Variants in BCOR observed in about 807,000 individuals in gnomAD.
BCOR encodes the protein BCL-6 corepressor.
BCOR carries 10 observed loss-of-function variants against 86.7 expected under a neutral mutation model. The observed-to-expected ratio is 0.12, with a 90% confidence interval of 0.07 to 0.20. The LOEUF (loss-of-function observed/expected upper bound fraction) is 0.20. Among genes scored for constraint, BCOR ranks in the 10% least tolerant of loss-of-function variants. BCOR has a pLI of 1.00. For synonymous variants in BCOR, 611 were observed against 609.0 expected (o/e 1.00, Z -0.05); for missense variants, 1,259 against 1,452.1 (o/e 0.87, Z 2.16).
chrX:40,121,903 T>A (rs1216379705), intron 1 of BCOR, among the ~76,000 whole-genome samples: 4 of 112,482 alleles, frequency 3.6e-5, no homozygotes, highest in African/African-American at 1.3e-4. Flanking sequence ...GAAACGGTGC[T>A]GCACACGATT....
At chrX:40,166,623 T>G (rs984527262) in intron 1 of BCOR, among the ~76,000 whole-genome samples, 3 of 112,165 alleles carry the variant, frequency 2.7e-5, no homozygotes, top group African/African-American at 9.7e-5. Flanking sequence ...CCAGGCTGGC[T>G]CAGGTGGAAA....
At chrX:40,092,272 G>A (rs992567157) in intron 1 of BCOR, among the ~76,000 whole-genome samples, 3 of 111,890 alleles carry the variant, frequency 2.7e-5, no homozygotes, top group African/African-American at 9.7e-5. Flanking sequence ...GCCCGGCGCG[G>A]GCCCCACCCA....
rs144606152 is a variant in BCOR at position 40,073,555 on chromosome X, G to A, written c.1791C>T (p.His597=). The part of the protein sequence containing the change: ...SVETTPSVIQ[H]VGQPPATPAK... ...CAGGAGTGGCCGGGGGCTGGCCCACGTGCTGAATAACGGATGGTGTGGTTT... is the reference window on the plus strand; with the variant it reads ...CAGGAGTGGCCGGGGGCTGGCCCACATGCTGAATAACGGATGGTGTGGTTT... Residue 597 remains histidine, a synonymous_variant, in exon 4 of 15, where the codon CAC becomes CAT. Coordinates refer to ENST00000378444, the MANE Select transcript of BCOR (RefSeq NM_001123385.2). 0.044 allele frequency: 52,764 copies of A among 1,211,156 alleles called. 977 individuals carry two copies. Among genetic ancestry groups the A allele is most frequent in the Middle Eastern group, 0.061 (265 of 4,354 alleles).
rs1057084135 is a variant in BCOR at position 40,073,068 on chromosome X, G to A, written c.2278C>T (p.Leu760Phe). 5 of 1,210,554 alleles carry A rather than the reference G, an allele frequency of 4.1e-6. No individual in the cohort carries two copies. Among genetic ancestry groups the A allele is most frequent in the African/African-American group, 1.7e-5 (1 of 57,299 alleles). ...HERARYEDPT[L>F]RNRFSEILET... is the part of the protein sequence containing the mutation. ...AAAATCTCGGAAAACCGATTCCGGA[G>A]GGTTGGGTCCTCGTAACGGGCTCTC... Residue 760 changes from leucine (L) to phenylalanine (F), a missense_variant, in exon 4 of 15, where the codon CTC (leucine) becomes TTC (phenylalanine). Leu to Phe is a conservative substitution (Grantham distance 22, BLOSUM62 0). Transcript: ENST00000378444.
At chrX:40,102,054 G>A (rs369314180), upstream of BCOR, among the ~76,000 whole-genome samples, 2 of 112,057 alleles carry the variant, frequency 1.8e-5, no homozygotes, top group South Asian at 3.7e-4. Context: ...AAACTCAAAC[G>A]AGGTAACAAA....
At chrX:40,088,331 G>C (rs1936451226) in intron 1 of BCOR, among the ~76,000 whole-genome samples, 1 of 112,735 alleles carries the variant, frequency 8.9e-6, no homozygotes, top group South Asian at 3.6e-4. Context: ...GGGGGAAACT[G>C]CTGGCCTGGT....
upstream of BCOR, among the ~76,000 whole-genome samples, chrX:40,098,915 G>A (rs745895477): frequency 3.6e-3 from 402 of 112,592 alleles, no homozygotes; most frequent in Middle Eastern, 9.2e-3. Flanking sequence ...GGGGCGGTCG[G>A]CGAGCGGAGA....
chrX:40,104,258 ATATAAC>A (rs961403591), intron 1 of BCOR, among the ~76,000 whole-genome samples: 9 of 111,709 alleles, frequency 8.1e-5, no homozygotes, highest in African/African-American at 2.6e-4. Flanking sequence ...TGGGAGGGTC[ATATAAC>A]TATGTCAACA....
At chrX:40,166,905 T>A (rs1938517276) in intron 1 of BCOR, among the ~76,000 whole-genome samples, 1 of 111,480 alleles carries the variant, frequency 9.0e-6, no homozygotes, top group Non-Finnish European at 1.9e-5. Flanking sequence ...TCTCCAACTC[T>A]CTGAGGCTCC....
chrX:40,071,727 G>C (rs1172468258), intron 4 of BCOR, 37 bp from the exon 5 acceptor site: 3 of 1,018,662 alleles, frequency 2.9e-6, no homozygotes, highest in Admixed American at 4.5e-5. Context: ...GGATCATTTA[G>C]ATAACTTCAT....
At chrX:40,141,311 C>T (rs1043590332) in intron 1 of BCOR, among the ~76,000 whole-genome samples, 1 of 112,822 alleles carries the variant, frequency 8.9e-6, no homozygotes, top group Non-Finnish European at 1.9e-5. Flanking sequence ...CGCTCCTTGG[C>T]CTCTTTGTTT....
intron 1 of BCOR, among the ~76,000 whole-genome samples, chrX:40,165,532 C>CAAG (rs747316324): frequency 8.9e-6 from 1 of 112,340 alleles, no homozygotes; most frequent in East Asian, 2.8e-4. Context: ...AGCCTGAGAC[C>CAAG]AAGGCTGGCT....
intron 10 of BCOR, among the ~76,000 whole-genome samples, chrX:40,059,745 C>T (rs781046219): frequency 6.2e-5 from 7 of 113,068 alleles, no homozygotes; most frequent in African/African-American, 1.9e-4. Flanking sequence ...TGACATTAAC[C>T]GCAAAATGTA....
intron 1 of BCOR, among the ~76,000 whole-genome samples, chrX:40,158,244 G>A (rs1239492728): frequency 1.8e-5 from 2 of 112,630 alleles, no homozygotes; most frequent in East Asian, 5.7e-4. Context: ...AGGAGGAGCG[G>A]CTTCGCGCCC....
At chrX:40,059,090 A>C (rs1176448824) in intron 10 of BCOR, among the ~76,000 whole-genome samples, 1 of 111,865 alleles carries the variant, frequency 8.9e-6, no homozygotes, top group Non-Finnish European at 1.9e-5. Context: ...CATCACTACT[A>C]GGGCTGATCT....
rs760531934 is a variant in BCOR at position 40,062,255 on chromosome X, T to C, written c.4312A>G (p.Ser1438Gly). 1.7e-6 allele frequency: 2 copies of C among 1,209,123 alleles called. No individual in the cohort carries two copies. Residue 1438 changes from serine to glycine, a missense_variant, in exon 10 of 15, where the codon AGT (serine) becomes GGT (glycine). Transcript: ENST00000378444. ...ASQSTQLPCS[S>G]SPQETTQSRP... Reference sequence around the variant, plus strand: ...GACTGGGTGGTCTCCTGAGGGGAACTTGAGCATGGCAGCTGTGTGGACTGG... The same window carrying C: ...GACTGGGTGGTCTCCTGAGGGGAACCTGAGCATGGCAGCTGTGTGGACTGG...
intron 1 of BCOR, among the ~76,000 whole-genome samples, chrX:40,172,299 A>G: frequency 8.9e-6 from 1 of 112,551 alleles, no homozygotes; most frequent in East Asian, 2.8e-4. Flanking sequence ...GGCCATTGCG[A>G]AACACGGAGC....
intron 6 of BCOR, among the ~76,000 whole-genome samples, chrX:40,067,357 G>A (rs759356946): frequency 5.4e-5 from 6 of 111,784 alleles, no homozygotes; most frequent in Non-Finnish European, 9.4e-5. Flanking sequence ...TGCCCAGTGG[G>A]GGTGGGGAGG....
At chrX:40,160,293 T>C (rs1206707098) in intron 1 of BCOR, among the ~76,000 whole-genome samples, 1 of 108,737 alleles carries the variant, frequency 9.2e-6, no homozygotes. Flanking sequence ...TTTTGTGTAT[T>C]TTTTTTTTAG....
Sources: allele counts gnomAD v4.1 joint callset (sites outside exome capture counted in the v4.1 genomes callset), GRCh38; gene constraint gnomAD v4.1.1; transcripts MANE v1.5; gene names NCBI Gene and HGNC (gene_info 2026-07-23, HGNC 2026-07-21).